The following TWIST2 variants were observed in gnomAD, a reference collection of about 807,000 sequenced individuals.
TWIST2 encodes twist family bHLH transcription factor 2, also known as twist-related protein 2.
TWIST2 carries 1 observed loss-of-function variant against 11.6 expected under a neutral mutation model. The ratio of observed to expected loss-of-function variants is 0.09; its 90% confidence interval spans 0.03 to 0.41. TWIST2 has a LOEUF of 0.41. Among genes scored for constraint, TWIST2 ranks in the 10% least tolerant of loss-of-function variants. The probability of loss-of-function intolerance (pLI) is 0.98; values close to 1 mark genes in which losing one functional copy is unlikely to be tolerated. For synonymous variants in TWIST2, 87 were observed against 96.6 expected (o/e 0.90, Z 0.58); for missense variants, 168 against 226.4 (o/e 0.74, Z 1.66).
At chr2:238,892,902 A>G (rs1394973780) in intron 1 of TWIST2, among the ~76,000 whole-genome samples, 1 of 152,222 alleles carries the variant, frequency 6.6e-6, no homozygotes, top group Non-Finnish European at 1.5e-5. Flanking sequence ...TGTGTTTCTC[A>G]ACAGAGATCA....
chr2:238,870,767 A>C (rs1692671603), intron 1 of TWIST2, among the ~76,000 whole-genome samples: 1 of 27,978 alleles, frequency 3.6e-5, no homozygotes, highest in African/African-American at 2.1e-4. Flanking sequence ...CACACCCCAC[A>C]CACACAGTAC....
At chr2:238,854,284 AT>A (rs1181356293) in intron 1 of TWIST2, among the ~76,000 whole-genome samples, 1 of 152,116 alleles carries the variant, frequency 6.6e-6, no homozygotes, top group East Asian at 1.9e-4. Context: ...GAAATGGTAA[AT>A]TTTGTTATGT....
intron 1 of TWIST2, among the ~76,000 whole-genome samples, chr2:238,876,579 C>T (rs1011941656): frequency 1.3e-5 from 2 of 152,194 alleles, no homozygotes; most frequent in African/African-American, 4.8e-5. Flanking sequence ...CTACCAAAAC[C>T]TGTCAGGGAT....
At chr2:238,860,004 G>A (rs554605636) in intron 1 of TWIST2, among the ~76,000 whole-genome samples, 1 of 152,288 alleles carries the variant, frequency 6.6e-6, no homozygotes, top group Non-Finnish European at 1.5e-5. Flanking sequence ...AGGAGCATTT[G>A]CCATATCTGT....
At chr2:238,892,382 A>G (rs1053259643) in intron 1 of TWIST2, among the ~76,000 whole-genome samples, 4 of 152,122 alleles carry the variant, frequency 2.6e-5, no homozygotes, top group Admixed American at 2.6e-4. Context: ...ACCAGCCAGG[A>G]CCTTCCCCAG....
At chr2:238,868,162 G>T (rs578246098) in intron 1 of TWIST2, among the ~76,000 whole-genome samples, 2 of 152,296 alleles carry the variant, frequency 1.3e-5, no homozygotes, top group East Asian at 3.9e-4. Flanking sequence ...TTCCCTCTGG[G>T]TGCACCTGCC....
chr2:238,886,618 T>TA (rs2106367537), intron 1 of TWIST2, among the ~76,000 whole-genome samples: 1 of 152,016 alleles, frequency 6.6e-6, no homozygotes, highest in African/African-American at 2.4e-5. Context: ...CTCCAGTGCT[T>TA]ATCTCGGTGA....
intron 1 of TWIST2, among the ~76,000 whole-genome samples, chr2:238,897,396 A>C (rs1693219029): frequency 6.6e-6 from 1 of 152,234 alleles, no homozygotes; most frequent in African/African-American, 2.4e-5. Context: ...CTGACCCCCA[A>C]GGACACCTGC....
chr2:238,871,217 C>CAA (rs1559274859), intron 1 of TWIST2, among the ~76,000 whole-genome samples: 1 of 3,980 alleles, frequency 2.5e-4, no homozygotes, highest in Non-Finnish European at 4.5e-4. Context: ...ACAAACCACA[C>CAA]CCCCCCACAC....
intron 1 of TWIST2, among the ~76,000 whole-genome samples, chr2:238,868,508 T>C (rs1399749427): frequency 4.6e-5 from 7 of 152,122 alleles, no homozygotes; most frequent in Admixed American, 3.9e-4. Context: ...GCCAGACGGA[T>C]CCCAGTCTCC....
chr2:238,896,187 C>T (rs998821794), intron 1 of TWIST2, among the ~76,000 whole-genome samples: 9 of 152,188 alleles, frequency 5.9e-5, no homozygotes, highest in Admixed American at 6.5e-5. Context: ...GCTCCGCAGT[C>T]GCCTGACTGC....
chr2:238,903,498 G>T (rs1480275608), intron 1 of TWIST2, among the ~76,000 whole-genome samples: 1 of 141,132 alleles, frequency 7.1e-6, no homozygotes, highest in African/African-American at 2.7e-5. Context: ...AGGTGTGTGT[G>T]ATGTGTGTGT....
chr2:238,903,478 GCA>G (rs1292900127), intron 1 of TWIST2, among the ~76,000 whole-genome samples: 2 of 126,254 alleles, frequency 1.6e-5, no homozygotes, highest in Admixed American at 7.8e-5. Context: ...TGATGTGTGT[GCA>G]TGATGTGAGG....
At chr2:238,873,992 T>C (rs943871021) in intron 1 of TWIST2, among the ~76,000 whole-genome samples, 2 of 152,100 alleles carry the variant, frequency 1.3e-5, no homozygotes, top group Non-Finnish European at 2.9e-5. Context: ...AAAAACTCAC[T>C]TGCGGCTCTG....
chr2:238,870,568 C>CCA (rs1692659342), intron 1 of TWIST2, among the ~76,000 whole-genome samples: 2 of 14,446 alleles, frequency 1.4e-4, no homozygotes, highest in Admixed American at 7.9e-4. Flanking sequence ...ACACCACACA[C>CCA]CACACACCAC....
At chr2:238,897,308 C>T (rs996664612) in intron 1 of TWIST2, among the ~76,000 whole-genome samples, 24 of 152,184 alleles carry the variant, frequency 1.6e-4, no homozygotes, top group African/African-American at 3.9e-4. Context: ...TTCTGTCCTC[C>T]GCGCGCCCCC....
chr2:238,889,014 G>C (rs1004633635), intron 1 of TWIST2, among the ~76,000 whole-genome samples: 4 of 152,198 alleles, frequency 2.6e-5, no homozygotes, highest in Non-Finnish European at 5.9e-5. Context: ...AAAAATTCCA[G>C]TGTCATCCTT....
In TWIST2 at chr2:238,866,276, T is replaced by C. The variant is rs1444707602; in HGVS notation, c.*35+17543T>C. On this transcript the variant is annotated intron_variant, in intron 1 of 1. Transcript: ENST00000612363. This position sits in a 1 kb window ranked among gnomAD's most constrained non-coding sequence, Gnocchi z 4.9. ...GCTCCCCAGGCCAGGAGCATGTCTGTCCTTTTCACCCTGTACCCAGCACTT... is the reference window on the plus strand; with the variant it reads ...GCTCCCCAGGCCAGGAGCATGTCTGCCCTTTTCACCCTGTACCCAGCACTT... Among the ~76,000 whole-genome samples, 1 of 152,180 alleles carries C rather than the reference T, an allele frequency of 6.6e-6. No homozygotes were observed. The highest frequency in any genetic ancestry group is 1.5e-5 in the Non-Finnish European group (1 of 68,026).
chr2:238,897,824 G>C (rs1373466961), intron 1 of TWIST2, among the ~76,000 whole-genome samples: 1 of 152,214 alleles, frequency 6.6e-6, no homozygotes, highest in Non-Finnish European at 1.5e-5. Context: ...GAGCCGTCTG[G>C]CCCTTGGTGG....
Sources: allele counts gnomAD v4.1 joint callset (sites outside exome capture counted in the v4.1 genomes callset), GRCh38; gene constraint gnomAD v4.1.1; non-coding constraint Gnocchi (gnomAD v3.1); transcripts MANE v1.5; gene names NCBI Gene and HGNC (gene_info 2026-07-23, HGNC 2026-07-21).